The following MARCHF1 variants were observed in gnomAD, a reference collection of about 807,000 sequenced individuals.
MARCHF1 encodes the protein E3 ubiquitin-protein ligase MARCHF1.
Under a neutral mutation model 54.2 loss-of-function variants are expected in MARCHF1, and 40 were observed. The ratio of observed to expected loss-of-function variants is 0.74; its 90% CI spans 0.57 to 0.96. The LOEUF is 0.96. MARCHF1 is among the 40% of genes least tolerant of loss of function. The pLI is 0.00. For synonymous variants in MARCHF1, 236 were observed against 236.3 expected (o/e 1.00, Z 0.01); for missense variants, 586 against 656.5 (o/e 0.89, Z 1.17).
At chr4:163,602,727 C>G (rs997633814) in intron 7 of MARCHF1, among the ~76,000 whole-genome samples, 1 of 152,052 alleles carries the variant, frequency 6.6e-6, no homozygotes, top group Non-Finnish European at 1.5e-5. Flanking sequence ...TGTAATCTTT[C>G]TCACCTGAAT....
At chr4:164,113,282 T>G (rs1322146874) in intron 1 of MARCHF1, among the ~76,000 whole-genome samples, 1 of 151,932 alleles carries the variant, frequency 6.6e-6, no homozygotes, top group Non-Finnish European at 1.5e-5. Context: ...TTGTTATTGG[T>G]TGGATGAAAG....
At chr4:163,966,353 T>C (rs1752443819) in intron 3 of MARCHF1, among the ~76,000 whole-genome samples, 1 of 152,096 alleles carries the variant, frequency 6.6e-6, no homozygotes, top group African/African-American at 2.4e-5. Flanking sequence ...CTATAGCCTG[T>C]AAATTTTTAC....
At chr4:164,110,123 T>TACAC (rs70948699) in intron 2 of MARCHF1, among the ~76,000 whole-genome samples, 3,502 of 145,982 alleles carry the variant, frequency 0.024, 116 homozygotes, top group African/African-American at 0.074. Context: ...GAATTGGAGA[T>TACAC]ACACACACAC....
At chr4:163,962,707 C>A (rs1752365483) in intron 3 of MARCHF1, among the ~76,000 whole-genome samples, 1 of 151,796 alleles carries the variant, frequency 6.6e-6, no homozygotes, top group Non-Finnish European at 1.5e-5. Flanking sequence ...AATATATTTA[C>A]AAAAATGTTT....
Position 164,133,654 on chromosome 4 carries a change from A to C in MARCHF1, c.-322-21992T>G, listed in dbSNP as rs368399187. On this transcript the variant is annotated intron_variant, in intron 1 of 9. Coordinates refer to ENST00000514618, the MANE Select transcript of MARCHF1 (RefSeq NM_001394959.1). ...TTATTGGTAACTTTACCAAAAATAA[A>C]TTTTTAACCTAGGCTGTCGGTAAGT... Among the ~76,000 whole-genome samples the C allele has an allele frequency of 2.1e-3, 319 of 152,332 alleles. 12 individuals are homozygous for C. In the South Asian group the frequency reaches 0.064, roughly 31 times the overall value.
intron 2 of MARCHF1, among the ~76,000 whole-genome samples, chr4:164,100,383 C>A (rs1054924395): frequency 1.3e-5 from 2 of 152,184 alleles, no homozygotes. Flanking sequence ...ATAGACATAT[C>A]CAACTTTTAG....
At chr4:164,009,049 T>C (rs1175755800) in intron 2 of MARCHF1, among the ~76,000 whole-genome samples, 1 of 151,840 alleles carries the variant, frequency 6.6e-6, no homozygotes. Flanking sequence ...AATTAAAAAA[T>C]TGGTGAGCCT....
At chr4:163,983,748 T>C (rs1752806454) in intron 3 of MARCHF1, among the ~76,000 whole-genome samples, 1 of 152,154 alleles carries the variant, frequency 6.6e-6, no homozygotes. Flanking sequence ...GGGTTGTAAA[T>C]TAAAATGAAT....
At chr4:163,660,052 G>A (rs914028007) in intron 5 of MARCHF1, among the ~76,000 whole-genome samples, 4 of 151,952 alleles carry the variant, frequency 2.6e-5, no homozygotes, top group African/African-American at 9.7e-5. Flanking sequence ...CTCATTACTG[G>A]GTATATACCC....
chr4:164,176,974 C>CA lies in MARCHF1; in HGVS notation c.-322-65313_-322-65312insT, dbSNP rs1730696778. Reference sequence around the variant, plus strand: ...TCTCTCTCTCTCTCTCTCTCTCTCTCTCTCTCTATATATATATATATATAT... The same window carrying CA: ...TCTCTCTCTCTCTCTCTCTCTCTCTCATCTCTCTATATATATATATATATAT... On this transcript the variant is annotated intron_variant, in intron 1 of 9. Coordinates refer to ENST00000514618, the MANE Select transcript of MARCHF1 (RefSeq NM_001394959.1). 2.8e-3 allele frequency among the ~76,000 whole-genome samples: 85 copies of CA among 29,942 alleles called. 6 individuals carry two copies. Among genetic ancestry groups the CA allele is most frequent in the South Asian group, 8.0e-3 (7 of 874 alleles). The allele number at this position is 29,942 out of a possible 152,430, so 19.6% of individuals were successfully genotyped here. A position where few individuals can be genotyped will look rare whatever the true frequency, so the allele number is the denominator to read the frequency against.
chr4:164,264,205 C>A (rs1256725071), intron 1 of MARCHF1, among the ~76,000 whole-genome samples: 1 of 152,108 alleles, frequency 6.6e-6, no homozygotes, highest in Non-Finnish European at 1.5e-5. Context: ...ATGGATGGAC[C>A]CTCTATCATC....
chr4:164,351,249 T>C (rs1376835229), intron 1 of MARCHF1, among the ~76,000 whole-genome samples: 7 of 147,824 alleles, frequency 4.7e-5, no homozygotes, highest in Non-Finnish European at 1.1e-4. Context: ...TCCAACTGGG[T>C]GGAGCCCACG....
intron 3 of MARCHF1, among the ~76,000 whole-genome samples, chr4:163,863,218 A>G (rs2111196241): frequency 6.6e-6 from 1 of 152,170 alleles, no homozygotes; most frequent in East Asian, 1.9e-4. Context: ...GAAAAATACA[A>G]TCTACATATA....
At chr4:164,374,255 T>A (rs1731120807) in intron 1 of MARCHF1, among the ~76,000 whole-genome samples, 1 of 152,170 alleles carries the variant, frequency 6.6e-6, no homozygotes, top group Non-Finnish European at 1.5e-5. Flanking sequence ...AACATTTTTT[T>A]AAGTTTTGCT....
chr4:164,117,030 G>A (rs1179793274), intron 1 of MARCHF1, among the ~76,000 whole-genome samples: 1 of 152,032 alleles, frequency 6.6e-6, no homozygotes, highest in African/African-American at 2.4e-5. Context: ...GGCCAAGGCG[G>A]GTAGATCATT....
chr4:163,725,265 T>A (rs547842157), intron 4 of MARCHF1, among the ~76,000 whole-genome samples: 1 of 152,054 alleles, frequency 6.6e-6, no homozygotes, highest in Admixed American at 6.6e-5. Context: ...AAAGGGGTAA[T>A]AAAAGTAGTG....
At chr4:163,956,731 C>T (rs1387700299) in intron 3 of MARCHF1, among the ~76,000 whole-genome samples, 5 of 152,028 alleles carry the variant, frequency 3.3e-5, no homozygotes, top group Admixed American at 1.3e-4. Flanking sequence ...ATAACAAATC[C>T]GGAGTGGTAA....
intron 7 of MARCHF1, among the ~76,000 whole-genome samples, chr4:163,594,219 C>G (rs979809460): frequency 3.9e-5 from 6 of 151,992 alleles, no homozygotes; most frequent in African/African-American, 1.4e-4. Context: ...GTAGAATATA[C>G]TAGGCATAGA....
At chr4:163,916,365 G>A (rs1482334253) in intron 3 of MARCHF1, among the ~76,000 whole-genome samples, 1 of 122,844 alleles carries the variant, frequency 8.1e-6, no homozygotes, top group Non-Finnish European at 1.7e-5. Context: ...AAAATTGGGT[G>A]TTCTCCCACT....
Sources: allele counts gnomAD v4.1 joint callset (sites outside exome capture counted in the v4.1 genomes callset), GRCh38; gene constraint gnomAD v4.1.1; transcripts MANE v1.5; gene names NCBI Gene and HGNC (gene_info 2026-07-23, HGNC 2026-07-21).